The following AFF3 variants were observed in gnomAD, a reference collection of about 807,000 sequenced individuals.
The protein encoded by AFF3 is ALF transcription elongation factor 3.
Under a neutral mutation model 129.7 loss-of-function variants are expected in AFF3, and 32 were observed. The observed-to-expected ratio is 0.25, with a 90% CI of 0.19 to 0.33. AFF3 has a LOEUF of 0.33. AFF3 is among the 10% of genes least tolerant of loss of function. AFF3 has a pLI of 1.00. For missense variants in AFF3, 1,373 were observed against 1,592.0 expected, an observed-to-expected ratio of 0.86 and a Z score of 2.34; for synonymous variants, 644 against 635.4, an observed-to-expected ratio of 1.01 and a Z score of -0.20.
At chr2:99,726,760 T>C (rs190294791) in intron 11 of AFF3, among the ~76,000 whole-genome samples, 1 of 152,356 alleles carries the variant, frequency 6.6e-6, no homozygotes, top group East Asian at 1.9e-4. Flanking sequence ...CCTCCCAGTT[T>C]AAGTGTGAAA....
rs1019521202 is a variant in AFF3 at position 99,985,776 on chromosome 2, G to A, written c.873+20856C>T. ...GAGGGGGCACAGGAGAGCTTCTTCAGGTCTGGTCATACTCCATTTCTTCAC... is the reference window on the plus strand; with the variant it reads ...GAGGGGGCACAGGAGAGCTTCTTCAAGTCTGGTCATACTCCATTTCTTCAC... On this transcript the variant is annotated intron_variant, in intron 7 of 24. Transcript: ENST00000672756. Among the ~76,000 whole-genome samples the A allele has an allele frequency of 4.6e-5, 7 of 152,286 alleles. No homozygotes were observed. The South Asian group carries it at 1.5e-3, about 32-fold the overall frequency.
chr2:99,649,370 C>G (rs1459512774), intron 13 of AFF3, among the ~76,000 whole-genome samples: 1 of 152,200 alleles, frequency 6.6e-6, no homozygotes, highest in African/African-American at 2.4e-5. Flanking sequence ...ACCACTCAGG[C>G]CTTTCTCTCT....
chr2:99,965,288 A>G (rs1677633893), intron 7 of AFF3, among the ~76,000 whole-genome samples: 1 of 152,230 alleles, frequency 6.6e-6, no homozygotes, highest in Non-Finnish European at 1.5e-5. Context: ...AGAAACAAAG[A>G]AAGTGCACAG....
intron 9 of AFF3, 40 bp downstream of exon 9, chr2:99,752,181 T>C (rs1337384249): frequency 7.8e-6 from 12 of 1,538,202 alleles, no homozygotes; most frequent in Non-Finnish European, 1.1e-5. Context: ...AATGCCTGCA[T>C]GAGTGAAACA....
Position 100,088,237 on chromosome 2 carries a change from T to C in AFF3, c.53+16165A>G, listed in dbSNP as rs547489424. 2.6e-3 allele frequency among the ~76,000 whole-genome samples: 397 copies of C among 151,940 alleles called. 3 individuals are homozygous for C. The highest frequency in any genetic ancestry group is 5.7e-3 in the Admixed American group (87 of 15,248). On this transcript the variant is annotated intron_variant, in intron 4 of 24. Coordinates refer to ENST00000672756, the MANE Select transcript of AFF3 (RefSeq NM_001386135.1). ...AAAGGAAAAAGCAAAACTATCTCTA[T>C]TCACAGATGACATAATCATGTGTAT...
intron 10 of AFF3, among the ~76,000 whole-genome samples, chr2:99,736,697 C>A (rs1156311745): frequency 2.7e-5 from 4 of 150,844 alleles, no homozygotes; most frequent in African/African-American, 9.8e-5. Flanking sequence ...GCAACCTCCA[C>A]CTCCCAGGTT....
chr2:99,855,380 T>C (rs1359077745), intron 7 of AFF3, among the ~76,000 whole-genome samples: 1 of 152,166 alleles, frequency 6.6e-6, no homozygotes, highest in Admixed American at 6.6e-5. Context: ...AGAAAATATT[T>C]GCAAAACATA....
chr2:99,639,259 A>G (rs1288913745), intron 13 of AFF3, among the ~76,000 whole-genome samples: 1 of 152,150 alleles, frequency 6.6e-6, no homozygotes, highest in African/African-American at 2.4e-5. Flanking sequence ...ATTCTGTTTT[A>G]TTGTGGAAAT....
At chr2:99,554,244 C>G in intron 24 of AFF3, 67 bp downstream of exon 24, 1 of 1,550,650 alleles carries the variant, frequency 6.4e-7, no homozygotes, top group Non-Finnish European at 8.9e-7. Context: ...CTCAGGAGGC[C>G]GAGGCAGAAG....
At chr2:100,038,585 C>G (rs1389434696) in intron 4 of AFF3, among the ~76,000 whole-genome samples, 2 of 152,066 alleles carry the variant, frequency 1.3e-5, no homozygotes. Context: ...AGAGGCTGGG[C>G]ACGGGTCCAA....
At chr2:99,686,337 A>G (rs1675056132) in intron 11 of AFF3, among the ~76,000 whole-genome samples, 1 of 152,158 alleles carries the variant, frequency 6.6e-6, no homozygotes. Context: ...CTGTGAAGGA[A>G]GTTGAGTTTA....
chr2:99,867,576 TA>T (rs3072544), intron 7 of AFF3, among the ~76,000 whole-genome samples: 50,288 of 141,050 alleles, frequency 0.36, 9,149 homozygotes, highest in Middle Eastern at 0.42. Context: ...ATTTCTATAT[TA>T]AAAAAAAAAA....
chr2:99,560,400 A>G lies in AFF3; in HGVS notation c.3156T>C (p.Asn1052=). 6.2e-7 allele frequency: 1 copy of G among 1,614,120 alleles called. No individual in the cohort carries two copies. The highest frequency in any genetic ancestry group is 1.1e-5 in the South Asian group (1 of 91,074). ...CCAGTTGTTTGTCTTCTGGTGTGGCATTGGGGCCTGAGTGGGTTTTTAGTC... is the reference window on the plus strand; with the variant it reads ...CCAGTTGTTTGTCTTCTGGTGTGGCGTTGGGGCCTGAGTGGGTTTTTAGTC... The part of the protein sequence containing the change: ...AMRLKTHSGP[N]ATPEDKQLAA... Residue 1052 remains asparagine (N), a synonymous_variant, in exon 21 of 25, where the codon AAT becomes AAC. Transcript: ENST00000672756.
intron 8 of AFF3, among the ~76,000 whole-genome samples, chr2:99,770,403 G>A (rs573263692): frequency 2.0e-5 from 3 of 152,314 alleles, no homozygotes; most frequent in African/African-American, 7.2e-5. Flanking sequence ...CTGGCCCAGG[G>A]AAGGCCCAGA....
intron 4 of AFF3, among the ~76,000 whole-genome samples, chr2:100,067,552 C>A (rs760465010): frequency 9.2e-5 from 14 of 152,140 alleles, no homozygotes; most frequent in Non-Finnish European, 1.6e-4. Flanking sequence ...AAAATTTTAG[C>A]TAAAAGCATG....
chr2:99,956,016 T>G (rs950396815), intron 7 of AFF3, among the ~76,000 whole-genome samples: 12 of 152,094 alleles, frequency 7.9e-5, no homozygotes, highest in African/African-American at 2.9e-4. Context: ...AAAATTATCA[T>G]GTACAGGCAT....
chr2:99,624,849 C>G (rs566089865), intron 13 of AFF3, among the ~76,000 whole-genome samples: 8 of 152,340 alleles, frequency 5.3e-5, no homozygotes, highest in African/African-American at 1.9e-4. Flanking sequence ...GTCTGCCCTC[C>G]GGAGACGAAG....
chr2:100,071,868 G>A (rs938035047), intron 4 of AFF3, among the ~76,000 whole-genome samples: 1 of 152,166 alleles, frequency 6.6e-6, no homozygotes, highest in Non-Finnish European at 1.5e-5. Context: ...TTCAAGGCAC[G>A]TACTGTACAG....
intron 10 of AFF3, among the ~76,000 whole-genome samples, chr2:99,729,048 T>C (rs1468911474): frequency 6.6e-6 from 1 of 152,196 alleles, no homozygotes; most frequent in Non-Finnish European, 1.5e-5. Flanking sequence ...ATATTTTTTT[T>C]CTCAAATATA....
Sources: gnomAD v4.1 joint callset for allele counts (sites outside exome capture counted in the v4.1 genomes callset) on GRCh38, gnomAD v4.1.1 for gene constraint, MANE v1.5 for transcripts, NCBI Gene and HGNC (gene_info 2026-07-23, HGNC 2026-07-21) for gene names.